Variants in OSCAR observed in about 807,000 individuals in gnomAD.
OSCAR encodes osteoclast associated Ig-like receptor, also known as osteoclast-associated immunoglobulin-like receptor.
A neutral mutation model predicts 27.3 loss-of-function variants in OSCAR; 25 were observed. The ratio of observed to expected loss-of-function variants is 0.92; its 90% CI spans 0.67 to 1.28. OSCAR has a LOEUF of 1.28. OSCAR is among the 50% of genes most tolerant of loss of function. The probability of loss-of-function intolerance (pLI) is 0.00; values close to 1 mark genes in which losing one functional copy is unlikely to be tolerated. For missense variants in OSCAR, 354 were observed against 355.1 expected (o/e 1.00, Z 0.03); for synonymous variants, 158 against 165.7 (o/e 0.95, Z 0.36).
intron 2 of OSCAR, among the ~76,000 whole-genome samples, chr19:54,097,798 G>A (rs1464081897): frequency 2.3e-5 from 3 of 130,472 alleles, no homozygotes; most frequent in South Asian, 2.4e-4. Context: ...ACGAGCATTC[G>A]CTATATTGCC....
chr19:54,100,638 G>T lies in OSCAR; in HGVS notation c.37+118C>A, dbSNP rs587650797. 4.5e-6 allele frequency: 5 copies of T among 1,110,584 alleles called. No individual in the cohort carries two copies. In the South Asian group the frequency reaches 7.8e-5, roughly 17 times the overall value. 68.8% of individuals were successfully genotyped at this position (1,110,584 alleles called of 1,614,324 possible). A position where few individuals can be genotyped will look rare whatever the true frequency, so the allele number is the denominator to read the frequency against. ...TGGGCCCCAGCCCTGTTCTTTATTT[G>T]AACCTAGAATCCCAAACCTGCTGCC... On this transcript the variant is annotated intron_variant, in intron 1 of 4. Coordinates refer to ENST00000358375, the MANE Select transcript of OSCAR (RefSeq NM_133169.6).
At position 54,095,952 on chromosome 19, in the gene OSCAR, G is replaced by A. The variant is rs1306041933; in HGVS notation, c.575C>T (p.Thr192Ile). The part of the protein sequence containing the change: ...FTLLGARAPG[T>I]YSCYYHTPSA... Reference sequence around the variant, plus strand: ...GGGCGTGTGATAGTAGCAGCTGTAGGTGCCGGGGGCGCGGGCGCCCAGCAG... The same window carrying A: ...GGGCGTGTGATAGTAGCAGCTGTAGATGCCGGGGGCGCGGGCGCCCAGCAG... Residue 192 changes from threonine (T) to isoleucine (I), a missense_variant, in exon 4 of 5, where the codon ACC becomes ATC. Coordinates refer to ENST00000358375, the MANE Select transcript of OSCAR (RefSeq NM_133169.6). The A allele has an allele frequency of 1.3e-6, 2 of 1,590,996 alleles. No homozygotes were observed. The highest frequency in any genetic ancestry group is 1.3e-5 in the African/African-American group (1 of 74,728).
rs1205776162 is a variant in OSCAR, at chr19:54,096,196, C to CCGCT, written c.374-47_374-44dup. ...GAGTCCGGGGCCGCGTGAGCGTCTT[C>CCGCT]CGCTCGCTCGCTCGCTCTGTTTCTC... is the stretch of plus-strand genomic sequence containing the variant. On this transcript the variant is annotated intron_variant, in intron 3 of 4. Transcript: ENST00000358375. 1.1e-4 allele frequency: 163 copies of CCGCT among 1,438,954 alleles called. 1 individual carries two copies. In the Middle Eastern group the frequency reaches 1.2e-3, roughly 11 times the overall value. 89.1% of individuals were successfully genotyped at this position (1,438,954 alleles called of 1,614,324 possible).
chr19:54,099,826 T>TC lies in OSCAR; in HGVS notation c.38-47_38-46insG. 3.2e-6 allele frequency: 5 copies of TC among 1,580,108 alleles called. No individual in the cohort carries two copies. In the South Asian group the frequency reaches 5.7e-5, roughly 18 times the overall value. ...AGTTTCTTTTTCCTTTTTTTTTTTT[T>TC]GTCTGAGGCAGAGTCTCACTCTGTC... On this transcript the variant is annotated intron_variant, in intron 1 of 4. Transcript: ENST00000358375.
chr19:54,095,358 C>T lies in OSCAR; in HGVS notation c.656-1G>A, dbSNP rs1295688047. The T allele has an allele frequency of 1.3e-6, 2 of 1,557,212 alleles. No individual in the cohort carries two copies. The highest frequency in any genetic ancestry group is 1.7e-6 in the Non-Finnish European group (2 of 1,150,944). The stretch of plus-strand genomic sequence containing the variant: ...CGGGTGTAGTCGGAGGAGCCAGAGT[C>T]TGCGGGCGGAGCCGGGAGAGAGGGG... On this transcript the variant is annotated splice_acceptor_variant, in intron 4 of 4. Coordinates refer to ENST00000358375, the MANE Select transcript of OSCAR (RefSeq NM_133169.6). LOFTEE classifies it high-confidence loss of function.
chr19:54,095,430 C>T lies in OSCAR; in HGVS notation c.656-73G>A. 2.7e-6 allele frequency: 4 copies of T among 1,507,078 alleles called. 1 individual carries two copies. In the South Asian group the frequency reaches 5.1e-5, roughly 19 times the overall value. 93.4% of individuals were successfully genotyped at this position (1,507,078 alleles called of 1,614,324 possible). The stretch of plus-strand genomic sequence containing the variant: ...AGTCTGGGCCCTGAACTCCAGGTTT[C>T]CAGCCCCTGGGGTGGACTTAGGGAC... On this transcript the variant is annotated intron_variant, in intron 4 of 4. Transcript: ENST00000358375.
Position 54,099,779 on chromosome 19 carries a change from C to A in OSCAR, c.39G>T (p.Trp13Cys). The A allele has an allele frequency of 6.2e-7, 1 of 1,612,566 alleles. No homozygotes were observed. Among genetic ancestry groups the A allele is most frequent in the Non-Finnish European group, 8.5e-7 (1 of 1,179,542 alleles). Residue 13 changes from tryptophan (W) to cysteine (C), a missense_variant and splice_region_variant, in exon 2 of 5, where the codon TGG (tryptophan) becomes TGT (cysteine). Transcript: ENST00000358375. ...LVLILQLLTLWPLCHTDITPS... is the reference protein window; with the variant it reads ...LVLILQLLTLCPLCHTDITPS... ...GAGTGATGTCTGTGTGACACAGAGG[C>A]CCTGTAGGAGGTTGAGGGACTAGTT...
At chr19:54,097,279 C>T in intron 2 of OSCAR, 115 bp from the exon 3 acceptor site, 1 of 1,103,132 alleles carries the variant, frequency 9.1e-7, no homozygotes, top group Non-Finnish European at 1.3e-6. Context: ...TTCTTAGCCT[C>T]AGTTTCCTGT....
Position 54,095,077 on chromosome 19 carries a change from G to T in OSCAR, c.*144C>A. 1 of 1,335,926 alleles carries T rather than the reference G, an allele frequency of 7.5e-7. No homozygotes were observed. The highest frequency in any genetic ancestry group is 9.9e-7 in the Non-Finnish European group (1 of 1,007,066). The allele number at this position is 1,335,926 out of a possible 1,614,324, so 82.8% of individuals were successfully genotyped here. A position where few individuals can be genotyped will look rare whatever the true frequency, so the allele number is the denominator to read the frequency against. ...GGGAAAGGCCTGGAAAGAAGCTACA[G>T]CACAGGGCACAGCGGGGTCTAAGGA... On this transcript the variant is annotated 3_prime_UTR_variant, in exon 5 of 5. Coordinates refer to ENST00000358375, the MANE Select transcript of OSCAR (RefSeq NM_133169.6).
chr19:54,095,084 G>T lies in OSCAR; in HGVS notation c.*137C>A. On this transcript the variant is annotated 3_prime_UTR_variant, in exon 5 of 5. Transcript: ENST00000358375. ...GCCTGGAAAGAAGCTACAGCACAGGGCACAGCGGGGTCTAAGGACCGTTCC... is the reference window on the plus strand; with the variant it reads ...GCCTGGAAAGAAGCTACAGCACAGGTCACAGCGGGGTCTAAGGACCGTTCC... 1.5e-6 allele frequency: 2 copies of T among 1,372,920 alleles called. No homozygotes were observed. Among genetic ancestry groups the T allele is most frequent in the Non-Finnish European group, 1.9e-6 (2 of 1,033,384 alleles). 85.0% of individuals were successfully genotyped at this position (1,372,920 alleles called of 1,614,324 possible).
intron 2 of OSCAR, among the ~76,000 whole-genome samples, chr19:54,098,357 G>A (rs2146300400): frequency 6.6e-6 from 1 of 152,278 alleles, no homozygotes; most frequent in Middle Eastern, 3.4e-3. Context: ...CTGAGGTCAG[G>A]AGTTCAAGAC....
chr19:54,100,616 G>T (rs2072997647), intron 1 of OSCAR, 140 bp downstream of exon 1: 2 of 881,844 alleles, frequency 2.3e-6, no homozygotes, highest in Non-Finnish European at 3.4e-6. Context: ...AGGGGTCTGG[G>T]CCCCAGCCCT....
intron 3 of OSCAR, among the ~76,000 whole-genome samples, chr19:54,096,525 CCTCT>C (rs1274792880): frequency 8.9e-6 from 1 of 112,766 alleles, no homozygotes; most frequent in Non-Finnish European, 1.8e-5. Flanking sequence ...TCTCTGCCTC[CCTCT>C]CTCTCTGCCT....
chr19:54,100,482 C>T (rs184428033), intron 1 of OSCAR, among the ~76,000 whole-genome samples: 89 of 152,294 alleles, frequency 5.8e-4, no homozygotes, highest in Middle Eastern at 6.8e-3. Flanking sequence ...GCTTCCATCC[C>T]CCTCCCATAT....
intron 2 of OSCAR, among the ~76,000 whole-genome samples, 184 bp from the exon 3 acceptor site, chr19:54,097,348 CAG>C (rs777100865): frequency 1.3e-4 from 20 of 152,124 alleles, no homozygotes; most frequent in Non-Finnish European, 2.5e-4. Context: ...AGGTGCAAAT[CAG>C]AGGGGCAGGA....
intron 1 of OSCAR, 107 bp downstream of exon 1, chr19:54,100,649 C>T (rs1193574758): frequency 1.3e-5 from 16 of 1,238,368 alleles, no homozygotes; most frequent in Non-Finnish European, 1.8e-5. Flanking sequence ...AACCTAGAAT[C>T]CCAAACCTGC....
intron 2 of OSCAR, among the ~76,000 whole-genome samples, chr19:54,097,449 T>C (rs1484965268): frequency 1.3e-5 from 2 of 151,990 alleles, no homozygotes; most frequent in African/African-American, 4.8e-5. Context: ...ATTATTATTA[T>C]TTTTAAGTAA....
intron 1 of OSCAR, among the ~76,000 whole-genome samples, chr19:54,100,193 T>C (rs2072977630): frequency 6.6e-6 from 1 of 152,172 alleles, no homozygotes; most frequent in South Asian, 2.1e-4. Context: ...TCCCAGCTCC[T>C]ATCTCCTCTG....
chr19:54,098,833 A>G (rs1345119670), intron 2 of OSCAR, among the ~76,000 whole-genome samples: 1 of 151,716 alleles, frequency 6.6e-6, no homozygotes, highest in African/African-American at 2.4e-5. Flanking sequence ...TAAAAATACA[A>G]AAATTATCCG....
Sources: gnomAD v4.1 joint callset for allele counts (sites outside exome capture counted in the v4.1 genomes callset) on GRCh38, gnomAD v4.1.1 for gene constraint, MANE v1.5 for transcripts, NCBI Gene and HGNC (gene_info 2026-07-23, HGNC 2026-07-21) for gene names.